NHSL1: variants seen among roughly 807,000 people sequenced by gnomAD.
NHSL1 encodes the protein NHS-like protein 1.
In NHSL1, 48 loss-of-function variants were observed where a neutral mutation model predicts 95.0. The observed-to-expected ratio is 0.51, with a 90% confidence interval of 0.40 to 0.64. The LOEUF (loss-of-function observed/expected upper bound fraction) is 0.64, where lower values mean the gene tolerates loss of function less well. Ranked by LOEUF, NHSL1 falls within the 30% of genes least tolerant of loss-of-function variation. The pLI is 0.00. For missense variants in NHSL1, 1,971 were observed against 2,077.7 expected (o/e 0.95, Z 1.00); for synonymous variants, 783 against 833.9 (o/e 0.94, Z 1.05).
At chr6:138,618,738 T>C (rs187084731) in intron 1 of NHSL1, among the ~76,000 whole-genome samples, 2 of 152,318 alleles carry the variant, frequency 1.3e-5, no homozygotes, top group African/African-American at 2.4e-5. Context: ...AAAACACTTT[T>C]ATATAAAAGA....
At chr6:138,636,723 A>G (rs1784893224) in intron 1 of NHSL1, among the ~76,000 whole-genome samples, 1 of 152,222 alleles carries the variant, frequency 6.6e-6, no homozygotes, top group African/African-American at 2.4e-5. Flanking sequence ...GATCTCTATA[A>G]TGAAAACAAT....
intron 1 of NHSL1, among the ~76,000 whole-genome samples, chr6:138,533,930 TG>T (rs772676161): frequency 4.6e-5 from 7 of 152,224 alleles, no homozygotes; most frequent in Non-Finnish European, 8.8e-5. Context: ...TCATTTGTTC[TG>T]AATGTTTAAA....
At position 138,691,933 on chromosome 6, in the gene NHSL1, A is replaced by G. The variant is rs1165820715; in HGVS notation, c.96+543T>C. The G allele has an allele frequency of 3.5e-5, 16 of 456,664 alleles. No homozygotes were observed. In the East Asian group the frequency reaches 1.0e-3, roughly 30 times the overall value. The allele number at this position is 456,664 out of a possible 1,614,324, so 28.3% of individuals were successfully genotyped here. On this transcript the variant is annotated intron_variant, in intron 1 of 3. Transcript: ENST00000491526. ...TCTGCGCCAAATGGGAAAACCCTTA[A>G]AGTCTGCATAGTTTTGCTTGTCGGT...
intron 1 of NHSL1, among the ~76,000 whole-genome samples, chr6:138,526,266 T>C (rs1455594540): frequency 6.6e-6 from 1 of 152,102 alleles, no homozygotes; most frequent in Non-Finnish European, 1.5e-5. Flanking sequence ...ATGGATCACT[T>C]GAGCTTAGGA....
chr6:138,538,088 T>A (rs2128321442), intron 1 of NHSL1, among the ~76,000 whole-genome samples: 1 of 152,326 alleles, frequency 6.6e-6, no homozygotes, highest in East Asian at 1.9e-4. Flanking sequence ...CCCTTTGACA[T>A]ATAAATTAGC....
chr6:138,640,788 C>G (rs547966905), intron 1 of NHSL1, among the ~76,000 whole-genome samples: 1 of 152,222 alleles, frequency 6.6e-6, no homozygotes, highest in Non-Finnish European at 1.5e-5. Flanking sequence ...CCCCCCACCC[C>G]CAGTTGTTCA....
exon 1 of NHSL1, chr6:138,572,161 C>T (rs1055312918): frequency 2.8e-5 from 12 of 423,404 alleles, no homozygotes; most frequent in Admixed American, 8.1e-5. Flanking sequence ...TCTAGATCCG[C>T]GATATCCACG....
chr6:138,442,389 C>A (rs1478352131), intron 4 of NHSL1, among the ~76,000 whole-genome samples: 1 of 152,152 alleles, frequency 6.6e-6, no homozygotes, highest in Non-Finnish European at 1.5e-5. Context: ...CTGGAAGAGT[C>A]ACTCTGTGTT....
At chr6:138,576,620 G>A (rs1783976360), upstream of NHSL1, among the ~76,000 whole-genome samples, 1 of 152,194 alleles carries the variant, frequency 6.6e-6, no homozygotes, top group South Asian at 2.1e-4. Context: ...TAAATTACAT[G>A]TTTAATGGGA....
intron 1 of NHSL1, among the ~76,000 whole-genome samples, chr6:138,646,583 T>C (rs1280983249): frequency 2.0e-5 from 3 of 152,160 alleles, no homozygotes; most frequent in Non-Finnish European, 4.4e-5. Context: ...AAAGTAGGAA[T>C]ACACAACTCC....
At chr6:138,492,317 T>C (rs561174093) in intron 2 of NHSL1, among the ~76,000 whole-genome samples, 1 of 152,188 alleles carries the variant, frequency 6.6e-6, no homozygotes, top group Non-Finnish European at 1.5e-5. Flanking sequence ...ATGTACCTCA[T>C]GCACACCTCC....
chr6:138,558,683 T>C (rs1296783075), intron 1 of NHSL1, among the ~76,000 whole-genome samples: 1 of 152,154 alleles, frequency 6.6e-6, no homozygotes, highest in East Asian at 1.9e-4. Flanking sequence ...CTTCCCAAAG[T>C]GCTGGGATTA....
At chr6:138,562,825 G>A (rs1783464109) in intron 1 of NHSL1, among the ~76,000 whole-genome samples, 1 of 151,812 alleles carries the variant, frequency 6.6e-6, no homozygotes. Flanking sequence ...CCTTCTGCAC[G>A]CCATAACCAG....
At chr6:138,494,805 A>C (rs989237109) in intron 2 of NHSL1, among the ~76,000 whole-genome samples, 4 of 152,214 alleles carry the variant, frequency 2.6e-5, no homozygotes, top group Admixed American at 6.5e-5. Flanking sequence ...TAGGAGCAGC[A>C]TCTGGTAGAA....
chr6:138,674,582 C>T (rs1398973718), intron 1 of NHSL1, among the ~76,000 whole-genome samples: 6 of 152,152 alleles, frequency 3.9e-5, no homozygotes, highest in Non-Finnish European at 7.3e-5. Context: ...TGGTTTTCCA[C>T]TCCTGCATTA....
intron 1 of NHSL1, among the ~76,000 whole-genome samples, chr6:138,520,418 T>C (rs751106109): frequency 1.7e-4 from 26 of 150,102 alleles, no homozygotes; most frequent in Non-Finnish European, 2.5e-4. Flanking sequence ...ACCTTCCAAG[T>C]AGCTGGGACT....
At chr6:138,693,073 A>G (rs1351022732), upstream of NHSL1, among the ~76,000 whole-genome samples, 4 of 151,472 alleles carry the variant, frequency 2.6e-5, no homozygotes, top group African/African-American at 7.3e-5. The surrounding 1 kb of genome is among the most constrained non-coding windows in gnomAD (Gnocchi z 4.3). Flanking sequence ...TTCCAGGGGC[A>G]GCTCTGGGCG....
At chr6:138,648,020 C>T (rs930421765) in intron 1 of NHSL1, among the ~76,000 whole-genome samples, 3 of 152,182 alleles carry the variant, frequency 2.0e-5, no homozygotes, top group Non-Finnish European at 4.4e-5. Flanking sequence ...TATAACAGCG[C>T]TGCGTGACAT....
chr6:138,428,044 T>C (rs1309688627), intron 7 of NHSL1, among the ~76,000 whole-genome samples: 3 of 152,216 alleles, frequency 2.0e-5, no homozygotes, highest in African/African-American at 7.2e-5. Flanking sequence ...CATTTTTCGA[T>C]GCCTTAAGAA....
Sources: gnomAD v4.1 joint callset for allele counts (sites outside exome capture counted in the v4.1 genomes callset) on GRCh38, gnomAD v4.1.1 for gene constraint, Gnocchi (gnomAD v3.1) non-coding constraint, MANE v1.5 for transcripts, NCBI Gene and HGNC (gene_info 2026-07-23, HGNC 2026-07-21) for gene names.